The following RADIL variants were observed in gnomAD, a reference collection of about 807,000 sequenced individuals.
RADIL encodes Rap associating with DIL domain.
Under a neutral mutation model 97.6 loss-of-function variants are expected in RADIL, and 99 were observed. That is an observed-to-expected ratio of 1.01 (90% confidence interval 0.86 to 1.20). RADIL has a LOEUF of 1.20. RADIL is among the 50% of genes most tolerant of loss of function. RADIL has a pLI of 0.00. For synonymous variants in RADIL, 803 were observed against 691.8 expected (o/e 1.16, Z -2.52); for missense variants, 1,765 against 1,498.9 (o/e 1.18, Z -2.93).
intron 2 of RADIL, chr7:4,862,070 C>G (rs1784026947): frequency 8.0e-6 from 3 of 373,076 alleles, no homozygotes; most frequent in Non-Finnish European, 4.8e-6. Context: ...GCCGCCAGCG[C>G]GAGGGCTCAC....
At chr7:4,836,166 G>A (rs1783293004) in intron 3 of RADIL, among the ~76,000 whole-genome samples, 192 bp downstream of exon 3, 1 of 152,260 alleles carries the variant, frequency 6.6e-6, no homozygotes, top group Admixed American at 6.5e-5. Context: ...CCGTGGCCTG[G>A]ACAGGGAAAA....
At chr7:4,827,616 G>C (rs569860380) in intron 5 of RADIL, among the ~76,000 whole-genome samples, 16 of 152,284 alleles carry the variant, frequency 1.1e-4, no homozygotes, top group South Asian at 8.3e-4. Flanking sequence ...AGCCGAGATC[G>C]TGCCACTGTA....
Position 4,800,251 on chromosome 7 carries a change from TGCTGGAGCTGCGGCTGGACGGG to T in RADIL, c.2880_2901del (p.Ser962ArgfsTer22). ...GTGAAGACGTAGCAGAAGTCCTCGG[TGCTGGAGCTGCGGCTGGACGGG>T]GCTGGAGGGGACTCCTCCGCAAGGG... On this transcript the variant is annotated frameshift_variant, in exon 13 of 15. Coordinates refer to ENST00000399583, the MANE Select transcript of RADIL (RefSeq NM_018059.5). LOFTEE classifies it high-confidence loss of function. 1.9e-6 allele frequency: 3 copies of T among 1,569,754 alleles called. No individual in the cohort carries two copies.
At chr7:4,860,760 CGT>C in intron 2 of RADIL, 1 of 1,614,112 alleles carries the variant, frequency 6.2e-7, no homozygotes, top group Non-Finnish European at 8.5e-7. Flanking sequence ...AGCAAAATCT[CGT>C]GTGTGATAGC....
rs555274770 is a variant in RADIL, at chr7:4,823,812, G to A, written c.1455-1258C>T. ...CAGCCTCTTGGAACGTCTGAGGGGT[G>A]GACGTGGCAAGGCTGTGCTGAGGTG... is the stretch of plus-strand genomic sequence containing the variant. On this transcript the variant is annotated intron_variant, in intron 5 of 14. Coordinates refer to ENST00000399583, the MANE Select transcript of RADIL (RefSeq NM_018059.5). Among the ~76,000 whole-genome samples, 90 of 152,336 alleles carry A rather than the reference G, an allele frequency of 5.9e-4. No homozygotes were observed. The South Asian group carries it at 6.8e-3, about 12-fold the overall frequency.
chr7:4,830,023 C>A (rs898923007), intron 5 of RADIL, among the ~76,000 whole-genome samples: 1 of 152,192 alleles, frequency 6.6e-6, no homozygotes, highest in Non-Finnish European at 1.5e-5. Context: ...CCCAGACACA[C>A]CCCCTCCCTC....
intron 2 of RADIL, among the ~76,000 whole-genome samples, chr7:4,848,465 T>C (rs772151121): frequency 6.6e-6 from 1 of 151,760 alleles, no homozygotes; most frequent in Non-Finnish European, 1.5e-5. Flanking sequence ...ATCGAATATA[T>C]CTGAACATCT....
chr7:4,870,059 G>A (rs1439128126), intron 2 of RADIL, among the ~76,000 whole-genome samples: 1 of 152,192 alleles, frequency 6.6e-6, no homozygotes, highest in Non-Finnish European at 1.5e-5. Flanking sequence ...AGGATCGCTT[G>A]GGCCCAGGAG....
chr7:4,841,947 T>C (rs142775919), intron 2 of RADIL, among the ~76,000 whole-genome samples: 2,266 of 152,002 alleles, frequency 0.015, 32 homozygotes, highest in South Asian at 0.025. Context: ...TCCCAGCTAC[T>C]TGGGAGGCTG....
intron 5 of RADIL, among the ~76,000 whole-genome samples, chr7:4,823,938 C>A (rs1165670655): frequency 2.0e-5 from 3 of 152,238 alleles, no homozygotes; most frequent in Admixed American, 6.5e-5. Context: ...GGACAAGATG[C>A]CTGGGACGCC....
chr7:4,860,405 T>C (rs779604742), intron 2 of RADIL: 12 of 1,613,928 alleles, frequency 7.4e-6, no homozygotes, highest in Non-Finnish European at 1.0e-5. Flanking sequence ...TGCTTGCCTA[T>C]AAACAGTATC....
chr7:4,850,871 A>G (rs948031091), intron 2 of RADIL, among the ~76,000 whole-genome samples: 1 of 152,162 alleles, frequency 6.6e-6, no homozygotes, highest in African/African-American at 2.4e-5. Context: ...GTTAAATAGT[A>G]TAGTTTTAAG....
At chr7:4,874,180 C>A (rs1290630964) in intron 2 of RADIL, among the ~76,000 whole-genome samples, 2 of 152,244 alleles carry the variant, frequency 1.3e-5, no homozygotes, top group Non-Finnish European at 2.9e-5. Flanking sequence ...GGGAACAGTT[C>A]CAAGTGGGAG....
chr7:4,805,728 G>A lies in RADIL; in HGVS notation c.2140-12C>T, dbSNP rs760300631. Reference sequence around the variant, plus strand: ...GCTGTCCAGCTCATCTGGGTGACAAGAAGGAGCTCATGGTCACAGGTCTCT... The same window carrying A: ...GCTGTCCAGCTCATCTGGGTGACAAAAAGGAGCTCATGGTCACAGGTCTCT... On this transcript the variant is annotated splice_polypyrimidine_tract_variant and intron_variant, in intron 9 of 14. Transcript: ENST00000399583. 3 of 1,602,460 alleles carry A rather than the reference G, an allele frequency of 1.9e-6. No homozygotes were observed. Among genetic ancestry groups the A allele is most frequent in the Middle Eastern group, 1.7e-4 (1 of 6,034 alleles).
chr7:4,848,884 A>G (rs1783640790), intron 2 of RADIL, among the ~76,000 whole-genome samples: 1 of 152,182 alleles, frequency 6.6e-6, no homozygotes. Context: ...CACACCTGTA[A>G]TCCCAGCACT....
intron 9 of RADIL, among the ~76,000 whole-genome samples, chr7:4,811,776 C>T (rs1329875085): frequency 2.0e-5 from 3 of 152,092 alleles, no homozygotes; most frequent in African/African-American, 4.8e-5. Flanking sequence ...CGTGAGCCAC[C>T]GCGCCTGGCC....
chr7:4,804,082 G>A, intron 10 of RADIL: 1 of 375,092 alleles, frequency 2.7e-6, no homozygotes, highest in Non-Finnish European at 5.2e-6. Context: ...GTGTCTCCGG[G>A]TAACTGGAGC....
rs771698856 is a variant in RADIL, at chr7:4,803,672, G to A, written c.2373C>T (p.Cys791=). ...GGTGCTGGTAGATGCTGTCGTCCAG[G>A]CAGTTGGCTTCCAAGTCCACCTGGA... ...DGFQVDLEAN[C]LDDSIYQHLL... The change falls in exon 11 of 15, where the codon TGC becomes TGT. Residue 791 remains cysteine (C), a synonymous_variant. Transcript: ENST00000399583. 5.1e-6 allele frequency: 8 copies of A among 1,555,178 alleles called. No homozygotes were observed. The highest frequency in any genetic ancestry group is 5.2e-6 in the Non-Finnish European group (6 of 1,150,038).
chr7:4,809,829 A>AT (rs1782488217), intron 9 of RADIL, among the ~76,000 whole-genome samples: 2 of 150,664 alleles, frequency 1.3e-5, no homozygotes, highest in African/African-American at 4.9e-5. Flanking sequence ...TAATTTTTGT[A>AT]TTTTTACACC....
Sources: gnomAD v4.1 joint callset for allele counts (sites outside exome capture counted in the v4.1 genomes callset) on GRCh38, gnomAD v4.1.1 for gene constraint, MANE v1.5 for transcripts, NCBI Gene and HGNC (gene_info 2026-07-23, HGNC 2026-07-21) for gene names.